The following MAMDC2 variants were observed in gnomAD, a reference collection of about 807,000 sequenced individuals.
The protein encoded by MAMDC2 is MAM domain containing 2.
A neutral mutation model predicts 89.8 loss-of-function variants in MAMDC2; 57 were observed. That is an observed-to-expected ratio of 0.63 (90% CI 0.51 to 0.79). The LOEUF is 0.79. Among genes scored for constraint, MAMDC2 ranks in the 30% least tolerant of loss-of-function variants. The pLI is 0.00. For missense variants in MAMDC2, 800 were observed against 820.6 expected, an observed-to-expected ratio of 0.97 and a Z score of 0.31; for synonymous variants, 313 against 293.4, an observed-to-expected ratio of 1.07 and a Z score of -0.68.
intron 9 of MAMDC2, among the ~76,000 whole-genome samples, chr9:70,150,929 T>C (rs1049815640): frequency 2.0e-5 from 3 of 152,232 alleles, no homozygotes; most frequent in African/African-American, 7.2e-5. Flanking sequence ...GAAACTGTTC[T>C]ATGGCCTTCA....
At chr9:70,056,618 T>A (rs1463729673) in intron 2 of MAMDC2, among the ~76,000 whole-genome samples, 1 of 152,178 alleles carries the variant, frequency 6.6e-6, no homozygotes, top group African/African-American at 2.4e-5. Flanking sequence ...GCGGCGTGAT[T>A]CATTTTCTCT....
chr9:70,203,226 A>C (rs1406965610), intron 11 of MAMDC2, among the ~76,000 whole-genome samples: 526 of 152,064 alleles, frequency 3.5e-3, no homozygotes, highest in Non-Finnish European at 5.0e-3. Flanking sequence ...GCGCTTCCTT[A>C]AGGAGCTCTT....
chr9:70,177,555 C>G (rs2032535906), intron 11 of MAMDC2, among the ~76,000 whole-genome samples: 1 of 152,128 alleles, frequency 6.6e-6, no homozygotes, highest in African/African-American at 2.4e-5. Flanking sequence ...GGACATTTAC[C>G]ACGTGTAGGC....
At chr9:70,110,139 C>T (rs1367831746) in intron 4 of MAMDC2, among the ~76,000 whole-genome samples, 1 of 152,132 alleles carries the variant, frequency 6.6e-6, no homozygotes, top group African/African-American at 2.4e-5. Context: ...GTAGCATGTG[C>T]CAGAAAAGCA....
chr9:70,052,436 T>C (rs73458494), intron 2 of MAMDC2, among the ~76,000 whole-genome samples: 6,790 of 152,280 alleles, frequency 0.045, 458 homozygotes, highest in African/African-American at 0.15. Context: ...TATTCTCCTG[T>C]CCCATGCTCA....
intron 2 of MAMDC2, chr9:70,079,403 A>C (rs946018308): frequency 6.6e-6 from 1 of 152,190 alleles, no homozygotes; most frequent in South Asian, 2.1e-4. Context: ...CTGCTATAAG[A>C]ATGACCTTAA....
chr9:70,075,211 G>T (rs944941764), intron 2 of MAMDC2, among the ~76,000 whole-genome samples: 1 of 152,146 alleles, frequency 6.6e-6, no homozygotes, highest in Non-Finnish European at 1.5e-5. Flanking sequence ...TGAAGCCATG[G>T]TTCAAACCTG....
Position 70,044,034 on chromosome 9 carries a change from C to A in MAMDC2, c.-164C>A. On this transcript the variant is annotated 5_prime_UTR_variant, in exon 1 of 14. Coordinates refer to ENST00000377182, the MANE Select transcript of MAMDC2 (RefSeq NM_153267.5). ...GCATACCGCTCGGCTCCGGGAGCCG[C>A]TCTGCAAAGTTGGGCAGCTCAGAGC... The A allele has an allele frequency of 1.3e-6, 1 of 762,838 alleles. No individual in the cohort carries two copies. The highest frequency in any genetic ancestry group is 1.7e-5 in the South Asian group (1 of 58,010). The allele number at this position is 762,838 out of a possible 1,614,324, so 47.3% of individuals were successfully genotyped here. A position where few individuals can be genotyped will look rare whatever the true frequency, so the allele number is the denominator to read the frequency against.
chr9:70,050,520 A>G (rs1826869516), intron 2 of MAMDC2, among the ~76,000 whole-genome samples: 2 of 152,230 alleles, frequency 1.3e-5, no homozygotes, highest in African/African-American at 2.4e-5. Flanking sequence ...TTCCTTGGCT[A>G]TAAAATTGAG....
chr9:70,225,124 A>G (rs2033622717), intron 12 of MAMDC2, among the ~76,000 whole-genome samples: 1 of 152,118 alleles, frequency 6.6e-6, no homozygotes, highest in African/African-American at 2.4e-5. Context: ...TAAGTAATCT[A>G]TTTTTCCTAC....
At chr9:70,223,783 A>G (rs764227820) in intron 12 of MAMDC2, among the ~76,000 whole-genome samples, 14 of 152,212 alleles carry the variant, frequency 9.2e-5, no homozygotes, top group South Asian at 2.1e-4. Flanking sequence ...CTCAGTAGCT[A>G]TTTGATTTGG....
intron 7 of MAMDC2, 142 bp from the exon 8 acceptor site, chr9:70,140,003 C>G: frequency 1.3e-6 from 1 of 789,500 alleles, no homozygotes. Flanking sequence ...TCAGCATGCC[C>G]TTTGGATAAA....
chr9:70,210,496 C>T (rs540924219), intron 11 of MAMDC2, among the ~76,000 whole-genome samples: 16 of 152,290 alleles, frequency 1.1e-4, no homozygotes, highest in African/African-American at 3.6e-4. Context: ...GTAGGTCTTC[C>T]TCCATCCCTT....
At chr9:70,090,895 A>G (rs1030484310) in intron 2 of MAMDC2, 2 of 152,198 alleles carry the variant, frequency 1.3e-5, no homozygotes, top group Non-Finnish European at 2.9e-5. Flanking sequence ...CATTTATACA[A>G]TGGAAAGCTA....
chr9:70,073,283 A>G (rs991324362), intron 2 of MAMDC2, among the ~76,000 whole-genome samples: 3 of 152,264 alleles, frequency 2.0e-5, no homozygotes, highest in Non-Finnish European at 4.4e-5. Flanking sequence ...CACTTCTGAT[A>G]AGCCAAGTTT....
At chr9:70,187,538 T>C (rs950230158) in intron 11 of MAMDC2, among the ~76,000 whole-genome samples, 2 of 152,134 alleles carry the variant, frequency 1.3e-5, no homozygotes, top group African/African-American at 2.4e-5. Context: ...GTGTAATGCT[T>C]ATCACTATCT....
chr9:70,217,709 TA>T, intron 11 of MAMDC2: 1 of 1,370,816 alleles, frequency 7.3e-7, no homozygotes, highest in Non-Finnish European at 1.0e-6. Flanking sequence ...GGATTATATT[TA>T]AAAAAATTAC....
At chr9:70,072,540 A>C (rs1827432788) in intron 2 of MAMDC2, among the ~76,000 whole-genome samples, 1 of 152,196 alleles carries the variant, frequency 6.6e-6, no homozygotes, top group African/African-American at 2.4e-5. Flanking sequence ...TAATTCATTG[A>C]ATCCTCACAA....
intron 11 of MAMDC2, among the ~76,000 whole-genome samples, chr9:70,207,156 G>A (rs2118650493): frequency 6.6e-6 from 1 of 152,264 alleles, no homozygotes; most frequent in South Asian, 2.1e-4. Context: ...GTAATGGGAT[G>A]GCTGGATCAA....
Sources: allele counts gnomAD v4.1 joint callset (sites outside exome capture counted in the v4.1 genomes callset), GRCh38; gene constraint gnomAD v4.1.1; transcripts MANE v1.5; gene names NCBI Gene and HGNC (gene_info 2026-07-23, HGNC 2026-07-21).